Variants in FHIT observed in about 807,000 individuals in gnomAD.
FHIT encodes the protein bis(5'-adenosyl)-triphosphatase.
A neutral mutation model predicts 17.9 loss-of-function variants in FHIT; 19 were observed. The ratio of observed to expected loss-of-function variants is 1.06; its 90% CI spans 0.74 to 1.56. The LOEUF is 1.56. FHIT is among the 40% of genes most tolerant of loss of function. FHIT has a pLI of 0.00. For missense variants in FHIT, 248 were observed against 189.2 expected, an observed-to-expected ratio of 1.31 and a Z score of -1.82; for synonymous variants, 81 against 69.7, an observed-to-expected ratio of 1.16 and a Z score of -0.81.
chr3:60,682,846 A>T (rs1449256195), intron 4 of FHIT, among the ~76,000 whole-genome samples: 1 of 152,210 alleles, frequency 6.6e-6, no homozygotes, highest in Non-Finnish European at 1.5e-5. Flanking sequence ...AACCTTCTGG[A>T]AAGGATTCAC....
At chr3:60,107,512 C>A (rs1246171243) in intron 5 of FHIT, among the ~76,000 whole-genome samples, 1 of 152,078 alleles carries the variant, frequency 6.6e-6, no homozygotes, top group African/African-American at 2.4e-5. Flanking sequence ...GATGGGTGGA[C>A]TTTTATAGGA....
At chr3:60,264,989 C>T (rs1051138132) in intron 5 of FHIT, among the ~76,000 whole-genome samples, 1 of 151,860 alleles carries the variant, frequency 6.6e-6, no homozygotes, top group African/African-American at 2.4e-5. Flanking sequence ...CTTTTTATTG[C>T]TCCCAAGAAT....
intron 5 of FHIT, among the ~76,000 whole-genome samples, chr3:60,318,322 T>C (rs539410997): frequency 1.2e-4 from 19 of 152,186 alleles, no homozygotes; most frequent in Non-Finnish European, 2.4e-4. Flanking sequence ...TCTGATCATT[T>C]TATTTATCTT....
At position 61,245,457 on chromosome 3, in the gene FHIT, A is replaced by T. The variant is rs72881734; in HGVS notation, c.-213+5844T>A. Among the ~76,000 whole-genome samples, 1,350 of 152,292 alleles carry T rather than the reference A, an allele frequency of 8.9e-3. 17 individuals carry two copies. The highest frequency in any genetic ancestry group is 0.03 in the African/African-American group (1,246 of 41,540). ...ACCTAGACCACTGAAGAGTATCCTAAGTACTTGCTACTCAAAGGACGATCC... is the reference window on the plus strand; with the variant it reads ...ACCTAGACCACTGAAGAGTATCCTATGTACTTGCTACTCAAAGGACGATCC... On this transcript the variant is annotated intron_variant, in intron 1 of 9. Coordinates refer to ENST00000492590, the MANE Select transcript of FHIT (RefSeq NM_002012.4).
At chr3:60,552,215 T>C (rs186156960) in intron 4 of FHIT, among the ~76,000 whole-genome samples, 1 of 152,322 alleles carries the variant, frequency 6.6e-6, no homozygotes, top group East Asian at 1.9e-4. Flanking sequence ...ATACACCACA[T>C]GTTTTTCTCC....
chr3:60,572,501 A>T (rs777786436), intron 4 of FHIT, among the ~76,000 whole-genome samples: 1 of 151,994 alleles, frequency 6.6e-6, no homozygotes, highest in Non-Finnish European at 1.5e-5. Flanking sequence ...TCCACAGCCA[A>T]TATTTTCAGA....
intron 4 of FHIT, among the ~76,000 whole-genome samples, chr3:60,624,925 T>TTGTG: frequency 6.6e-6 from 1 of 152,162 alleles, no homozygotes; most frequent in East Asian, 1.9e-4. Flanking sequence ...GTTTGTTTGT[T>TTGTG]TTTGAGACAG....
At chr3:59,797,129 C>T (rs1182602481) in intron 8 of FHIT, among the ~76,000 whole-genome samples, 1 of 122,270 alleles carries the variant, frequency 8.2e-6, no homozygotes, top group Non-Finnish European at 1.9e-5. Context: ...ACAAGGAAAA[C>T]AGAGAAGTTT....
chr3:60,331,883 A>C (rs1365445466), intron 5 of FHIT, among the ~76,000 whole-genome samples: 1 of 150,960 alleles, frequency 6.6e-6, no homozygotes, highest in African/African-American at 2.4e-5. Context: ...AAAGAAATAT[A>C]CTCTACTGAC....
chr3:60,613,387 T>G (rs1200678816), intron 4 of FHIT, among the ~76,000 whole-genome samples: 6 of 152,116 alleles, frequency 3.9e-5, no homozygotes, highest in Non-Finnish European at 8.8e-5. Flanking sequence ...CAGTGAGAGA[T>G]GGGCTGGGGA....
intron 4 of FHIT, among the ~76,000 whole-genome samples, chr3:60,692,827 AG>A (rs1378141802): frequency 2.0e-5 from 3 of 152,248 alleles, no homozygotes; most frequent in Non-Finnish European, 4.4e-5. Context: ...CATATGCAAA[AG>A]ATGTCTTCAT....
intron 2 of FHIT, among the ~76,000 whole-genome samples, chr3:61,109,023 G>C (rs924240448): frequency 6.6e-6 from 1 of 152,120 alleles, no homozygotes; most frequent in African/African-American, 2.4e-5. Context: ...ATCTAGCAAA[G>C]GTATCATACT....
intron 5 of FHIT, among the ~76,000 whole-genome samples, chr3:60,033,604 A>T (rs1175118583): frequency 6.6e-6 from 1 of 152,234 alleles, no homozygotes; most frequent in African/African-American, 2.4e-5. Flanking sequence ...TGATGTGTGT[A>T]GAGCTAAGAA....
At chr3:60,569,357 C>A (rs1178221777) in intron 4 of FHIT, among the ~76,000 whole-genome samples, 4 of 152,084 alleles carry the variant, frequency 2.6e-5, no homozygotes, top group African/African-American at 4.8e-5. Context: ...TGATTGAGAA[C>A]TGAGATTTTA....
At chr3:61,209,525 A>T (rs1560076869) in intron 1 of FHIT, among the ~76,000 whole-genome samples, 1 of 151,196 alleles carries the variant, frequency 6.6e-6, no homozygotes, top group Admixed American at 6.6e-5. Context: ...TCTTTTTATT[A>T]TTTTTTTTCT....
At chr3:59,867,713 C>G (rs1702717798) in intron 8 of FHIT, among the ~76,000 whole-genome samples, 1 of 151,998 alleles carries the variant, frequency 6.6e-6, no homozygotes, top group African/African-American at 2.4e-5. Context: ...CAAAACTGCT[C>G]TAAAATTCAG....
intron 3 of FHIT, among the ~76,000 whole-genome samples, chr3:60,868,532 G>A (rs782126677): frequency 9.2e-5 from 14 of 152,056 alleles, no homozygotes; most frequent in Non-Finnish European, 1.0e-4. Flanking sequence ...GCCTGAAGAA[G>A]CCCTTTCTCA....
chr3:60,888,643 C>T (rs201873885), intron 3 of FHIT, among the ~76,000 whole-genome samples: 5 of 152,124 alleles, frequency 3.3e-5, no homozygotes, highest in South Asian at 2.1e-4. Flanking sequence ...GTTTCACAGC[C>T]GGCAACCAAC....
At chr3:60,181,550 G>C (rs1251371682) in intron 5 of FHIT, among the ~76,000 whole-genome samples, 20 of 149,920 alleles carry the variant, frequency 1.3e-4, no homozygotes, top group Non-Finnish European at 6.0e-5. Context: ...TCATGGCCTG[G>C]TCTAATGTCA....
Sources: allele counts gnomAD v4.1 joint callset (sites outside exome capture counted in the v4.1 genomes callset), GRCh38; gene constraint gnomAD v4.1.1; transcripts MANE v1.5; gene names NCBI Gene and HGNC (gene_info 2026-07-23, HGNC 2026-07-21).